ZNF678: variants seen among roughly 807,000 people sequenced by gnomAD.
ZNF678 encodes the protein hypothetical protein MGC42493.
In ZNF678, 5 loss-of-function variants were observed where a neutral mutation model predicts 3.0. The observed-to-expected ratio is 1.69, with a 90% confidence interval of 0.88 to 3.56. The LOEUF is 3.56. Among genes scored for constraint, ZNF678 ranks in the 30% most tolerant of loss-of-function variants. The probability of loss-of-function intolerance (pLI) is 0.00; values close to 1 mark genes in which losing one functional copy is unlikely to be tolerated. For missense variants in ZNF678, 593 were observed against 605.0 expected (o/e 0.98, Z 0.21); for synonymous variants, 218 against 199.6 (o/e 1.09, Z -0.78).
chr1:227,607,100 T>C (rs1257806480), intron 1 of ZNF678, among the ~76,000 whole-genome samples: 1 of 152,250 alleles, frequency 6.6e-6, no homozygotes, highest in East Asian at 1.9e-4. Flanking sequence ...AGATCTGAGA[T>C]ACTCTATACA....
chr1:227,653,227 A>G (rs1006216785), intron 3 of ZNF678, among the ~76,000 whole-genome samples: 8 of 151,676 alleles, frequency 5.3e-5, no homozygotes, highest in Admixed American at 3.9e-4. Flanking sequence ...CTTGCTTATA[A>G]TGTGTCTTGT....
At chr1:227,605,915 G>T (rs983364882) in intron 1 of ZNF678, among the ~76,000 whole-genome samples, 1 of 152,202 alleles carries the variant, frequency 6.6e-6, no homozygotes, top group Non-Finnish European at 1.5e-5. Context: ...TAAATTAATT[G>T]TTCTCTAGAT....
At chr1:227,590,690 A>C (rs1162977515) in intron 1 of ZNF678, among the ~76,000 whole-genome samples, 1 of 151,854 alleles carries the variant, frequency 6.6e-6, no homozygotes, top group East Asian at 1.9e-4. Context: ...CAATAACACA[A>C]CTACCTGTCC....
chr1:227,641,275 A>T (rs1381543160), intron 1 of ZNF678, among the ~76,000 whole-genome samples: 1 of 152,166 alleles, frequency 6.6e-6, no homozygotes, highest in African/African-American at 2.4e-5. Flanking sequence ...GCCAACACAC[A>T]AGGCAGTGTG....
intron 1 of ZNF678, among the ~76,000 whole-genome samples, chr1:227,632,783 C>T (rs1658580061): frequency 6.6e-6 from 1 of 152,164 alleles, no homozygotes; most frequent in Non-Finnish European, 1.5e-5. Flanking sequence ...TGGAGAATCC[C>T]TGTATGGGCT....
In ZNF678 at chr1:227,638,040, G is replaced by A. The variant is rs1658723934; in HGVS notation, c.-163-8504G>A. On this transcript the variant is annotated intron_variant, in intron 1 of 3. Transcript: ENST00000343776. The surrounding 1 kb of genome is among the most constrained non-coding windows in gnomAD (Gnocchi z 4.2). ...CAGATTGTTAACATATTGAAGGAGA[G>A]TGGACGGTTTTAGGGATAAGGTAGA... Among the ~76,000 whole-genome samples, 1 of 151,652 alleles carries A rather than the reference G, an allele frequency of 6.6e-6. No individual in the cohort carries two copies. The highest frequency in any genetic ancestry group is 1.5e-5 in the Non-Finnish European group (1 of 67,904).
chr1:227,633,542 A>G lies in ZNF678; in HGVS notation c.-163-13002A>G, dbSNP rs149416359. Among the ~76,000 whole-genome samples the G allele has an allele frequency of 6.1e-3, 927 of 152,322 alleles. 4 individuals carry two copies. Among genetic ancestry groups the G allele is most frequent in the Admixed American group, 0.011 (174 of 15,302 alleles). ...AATTGTTAGTCGGCCTAGGAAATCCAGCTAATCCTGTTTCTCACAGAGAGG... is the reference window on the plus strand; with the variant it reads ...AATTGTTAGTCGGCCTAGGAAATCCGGCTAATCCTGTTTCTCACAGAGAGG... On this transcript the variant is annotated intron_variant, in intron 1 of 3. Coordinates refer to ENST00000343776, the MANE Select transcript of ZNF678 (RefSeq NM_001367909.1).
chr1:227,636,344 T>C (rs1242510588), intron 1 of ZNF678, among the ~76,000 whole-genome samples: 2 of 152,224 alleles, frequency 1.3e-5, no homozygotes, highest in Non-Finnish European at 2.9e-5. Context: ...TTTAGAGATA[T>C]TAAACTTACC....
At chr1:227,573,772 G>A (rs1273622850) in intron 1 of ZNF678, among the ~76,000 whole-genome samples, 1 of 147,254 alleles carries the variant, frequency 6.8e-6, no homozygotes, top group Non-Finnish European at 1.5e-5. Flanking sequence ...TCATCATCCA[G>A]GTATTAAGCC....
downstream of ZNF678, among the ~76,000 whole-genome samples, chr1:227,678,980 A>T (rs998190120): frequency 2.6e-5 from 4 of 152,198 alleles, no homozygotes; most frequent in African/African-American, 9.6e-5. Context: ...CCCTTGTGTG[A>T]GGGGACTAGC....
chr1:227,582,102 C>G (rs543614212), intron 1 of ZNF678, among the ~76,000 whole-genome samples: 1 of 152,054 alleles, frequency 6.6e-6, no homozygotes, highest in Admixed American at 6.5e-5. Flanking sequence ...ATTGCATTGT[C>G]TACCTTTTTC....
chr1:227,628,500 C>T (rs945447085), intron 1 of ZNF678, among the ~76,000 whole-genome samples: 15 of 152,204 alleles, frequency 9.9e-5, no homozygotes, highest in African/African-American at 3.6e-4. Flanking sequence ...CCATATTCAA[C>T]AGCAGCCTTT....
At chr1:227,563,870 TC>T (rs1337378252) in intron 1 of ZNF678, 146 bp downstream of exon 1, 9 of 693,060 alleles carry the variant, frequency 1.3e-5, no homozygotes, top group Non-Finnish European at 2.0e-5. Flanking sequence ...GGGATTCTCC[TC>T]CCATCACTGC....
chr1:227,610,191 G>A (rs911871464), intron 1 of ZNF678, among the ~76,000 whole-genome samples: 1 of 152,148 alleles, frequency 6.6e-6, no homozygotes. Flanking sequence ...TAGAAAACCT[G>A]ACGTACTACT....
intron 1 of ZNF678, among the ~76,000 whole-genome samples, chr1:227,580,555 C>T (rs1657100178): frequency 6.6e-6 from 1 of 152,060 alleles, no homozygotes; most frequent in Non-Finnish European, 1.5e-5. Context: ...GTCTTTCTGT[C>T]AAGAACATTA....
chr1:227,574,620 C>G (rs1656942270), intron 1 of ZNF678, among the ~76,000 whole-genome samples: 1 of 151,950 alleles, frequency 6.6e-6, no homozygotes, highest in Non-Finnish European at 1.5e-5. Context: ...TTGTCTGTTC[C>G]TCTGTTGATA....
At chr1:227,667,558 T>C (rs1274134597) in intron 5 of ZNF678, among the ~76,000 whole-genome samples, 1 of 152,200 alleles carries the variant, frequency 6.6e-6, no homozygotes, top group Non-Finnish European at 1.5e-5. Context: ...CAGCTTCTAT[T>C]AATCTCCTCT....
chr1:227,596,233 G>A (rs1332927270), intron 1 of ZNF678, among the ~76,000 whole-genome samples: 2 of 152,146 alleles, frequency 1.3e-5, no homozygotes, highest in African/African-American at 4.8e-5. Flanking sequence ...GCAACCATCC[G>A]CCAATCACCT....
At chr1:227,598,022 G>C (rs1657639673) in intron 1 of ZNF678, among the ~76,000 whole-genome samples, 2 of 152,208 alleles carry the variant, frequency 1.3e-5, no homozygotes, top group Non-Finnish European at 2.9e-5. Flanking sequence ...TAAGGGTTTT[G>C]AAATATTAAT....
Sources: allele counts gnomAD v4.1 joint callset (sites outside exome capture counted in the v4.1 genomes callset), GRCh38; gene constraint gnomAD v4.1.1; non-coding constraint Gnocchi (gnomAD v3.1); transcripts MANE v1.5; gene names NCBI Gene and HGNC (gene_info 2026-07-23, HGNC 2026-07-21).